CNTN5: variants seen among roughly 807,000 people sequenced by gnomAD.
The protein encoded by CNTN5 is contactin-5.
CNTN5 carries 77 observed loss-of-function variants against 129.1 expected under a neutral mutation model. The observed-to-expected ratio is 0.60, with a 90% CI of 0.50 to 0.72. CNTN5 has a LOEUF of 0.72. CNTN5 is among the 30% of genes least tolerant of loss of function. The pLI is 0.00. For synonymous variants in CNTN5, 509 were observed against 465.6 expected, an observed-to-expected ratio of 1.09 and a Z score of -1.20; for missense variants, 1,478 against 1,328.8, an observed-to-expected ratio of 1.11 and a Z score of -1.75.
intron 2 of CNTN5, among the ~76,000 whole-genome samples, chr11:99,455,877 T>C (rs1944478664): frequency 2.0e-5 from 3 of 152,158 alleles, no homozygotes; most frequent in Admixed American, 1.3e-4. Context: ...TGTGTGATCT[T>C]TATTCGTTAG....
intron 4 of CNTN5, among the ~76,000 whole-genome samples, chr11:99,830,150 G>A (rs1296924169): frequency 6.6e-6 from 1 of 152,098 alleles, no homozygotes; most frequent in African/African-American, 2.4e-5. Flanking sequence ...TCTTCTGTTT[G>A]TCCTGATTCA....
chr11:99,413,103 C>T (rs2135018234), intron 2 of CNTN5, among the ~76,000 whole-genome samples: 1 of 152,250 alleles, frequency 6.6e-6, no homozygotes, highest in Middle Eastern at 3.4e-3. Flanking sequence ...GAAGTCAGAG[C>T]AGCATCTGTC....
intron 3 of CNTN5, among the ~76,000 whole-genome samples, chr11:99,765,906 C>A (rs1944738576): frequency 6.6e-6 from 1 of 151,856 alleles, no homozygotes; most frequent in South Asian, 2.1e-4. Context: ...ATAATACAAT[C>A]ACATAATATA....
At chr11:99,152,946 C>T (rs1329910268) in intron 1 of CNTN5, among the ~76,000 whole-genome samples, 1 of 152,136 alleles carries the variant, frequency 6.6e-6, no homozygotes, top group Admixed American at 6.5e-5. Context: ...AATCTCTTTT[C>T]TTTATAAATG....
At chr11:99,877,657 A>G (rs144248138) in intron 6 of CNTN5, among the ~76,000 whole-genome samples, 9 of 152,284 alleles carry the variant, frequency 5.9e-5, no homozygotes, top group Admixed American at 1.3e-4. Flanking sequence ...AGAAAGGGTA[A>G]TTTTAACATA....
intron 1 of CNTN5, among the ~76,000 whole-genome samples, chr11:99,260,004 A>G (rs1413013763): frequency 6.6e-6 from 1 of 151,644 alleles, no homozygotes; most frequent in East Asian, 1.9e-4. Flanking sequence ...TCTGTATTAT[A>G]TAAATATTAA....
chr11:99,736,109 T>C (rs1045522192), intron 3 of CNTN5, among the ~76,000 whole-genome samples: 4 of 152,128 alleles, frequency 2.6e-5, no homozygotes, highest in Non-Finnish European at 4.4e-5. Flanking sequence ...ATTGGTAGAT[T>C]TAAGATTTCT....
intron 1 of CNTN5, among the ~76,000 whole-genome samples, chr11:99,262,392 G>A (rs1402294391): frequency 2.0e-5 from 3 of 152,090 alleles, no homozygotes; most frequent in African/African-American, 7.2e-5. Context: ...TATTATGATA[G>A]TAATCATAAT....
At chr11:99,831,547 A>G (rs752967784) in intron 4 of CNTN5, among the ~76,000 whole-genome samples, 3 of 152,038 alleles carry the variant, frequency 2.0e-5, no homozygotes, top group South Asian at 4.1e-4. Context: ...TTTCAGATGT[A>G]ATGGTATCAC....
intron 13 of CNTN5, among the ~76,000 whole-genome samples, chr11:100,132,703 C>T (rs984377435): frequency 6.6e-6 from 1 of 151,962 alleles, no homozygotes; most frequent in African/African-American, 2.4e-5. Flanking sequence ...AATAAAATCC[C>T]CAAGTGTTTC....
At chr11:99,057,929 A>G (rs184235432) in intron 1 of CNTN5, among the ~76,000 whole-genome samples, 3 of 152,026 alleles carry the variant, frequency 2.0e-5, no homozygotes, top group Admixed American at 1.3e-4. Flanking sequence ...TTAAACAGAC[A>G]GTGAGGGAAA....
At chr11:99,775,307 GA>G (rs1399742815) in intron 3 of CNTN5, among the ~76,000 whole-genome samples, 1 of 151,578 alleles carries the variant, frequency 6.6e-6, no homozygotes, top group Non-Finnish European at 1.5e-5. Context: ...CCTTAACAAT[GA>G]AAAATAATGT....
chr11:99,072,989 T>G (rs1025902975), intron 1 of CNTN5, among the ~76,000 whole-genome samples: 3 of 152,210 alleles, frequency 2.0e-5, no homozygotes, highest in African/African-American at 7.2e-5. Context: ...GCAGCATATA[T>G]TCTCTATTTC....
chr11:99,613,314 C>T (rs1027269305), intron 3 of CNTN5, among the ~76,000 whole-genome samples: 2 of 152,172 alleles, frequency 1.3e-5, no homozygotes, highest in African/African-American at 4.8e-5. Context: ...ATAAGGGGCT[C>T]TTCCCGGCTT....
chr11:99,469,047 T>C (rs1945065114), intron 2 of CNTN5, among the ~76,000 whole-genome samples: 1 of 152,142 alleles, frequency 6.6e-6, no homozygotes, highest in South Asian at 2.1e-4. Context: ...ATTTAGAAAG[T>C]TTAAAATTAG....
intron 20 of CNTN5, among the ~76,000 whole-genome samples, chr11:100,301,663 T>A (rs368004388): frequency 6.6e-6 from 1 of 151,586 alleles, no homozygotes; most frequent in South Asian, 2.1e-4. Context: ...GTTAGCATCA[T>A]TAGAGTGTGT....
chr11:100,224,909 CATTTTA>C, intron 16 of CNTN5, 97 bp downstream of exon 16: 3 of 1,147,520 alleles, frequency 2.6e-6, no homozygotes, highest in South Asian at 4.8e-5. Flanking sequence ...CAGTACTGTG[CATTTTA>C]CTTTCAATTT....
intron 8 of CNTN5, among the ~76,000 whole-genome samples, chr11:99,971,069 A>G (rs1172960709): frequency 6.6e-6 from 1 of 152,218 alleles, no homozygotes; most frequent in Non-Finnish European, 1.5e-5. Context: ...ATTTTATTCT[A>G]AAAGCTTTTC....
intron 3 of CNTN5, among the ~76,000 whole-genome samples, chr11:99,649,629 A>G (rs1176971559): frequency 1.3e-5 from 2 of 151,942 alleles, no homozygotes; most frequent in Non-Finnish European, 3.0e-5. Context: ...ACAATATAGT[A>G]AGATATTTAT....
Sources: gnomAD v4.1 joint callset for allele counts (sites outside exome capture counted in the v4.1 genomes callset) on GRCh38, gnomAD v4.1.1 for gene constraint, MANE v1.5 for transcripts, NCBI Gene and HGNC (gene_info 2026-07-23, HGNC 2026-07-21) for gene names.